SCN4A: variants seen among roughly 807,000 people sequenced by gnomAD.
SCN4A encodes sodium voltage-gated channel alpha subunit 4.
SCN4A carries 83 observed loss-of-function variants against 162.0 expected under a neutral mutation model. The ratio of observed to expected loss-of-function variants is 0.51; its 90% CI spans 0.43 to 0.61. SCN4A has a LOEUF of 0.61. Ranked by LOEUF, SCN4A falls within the 20% of genes least tolerant of loss-of-function variation. SCN4A has a pLI of 0.00. For synonymous variants in SCN4A, 944 were observed against 985.1 expected (o/e 0.96, Z 0.78); for missense variants, 2,196 against 2,462.5 (o/e 0.89, Z 2.29).
chr17:63,949,941 C>T (rs544326142), intron 14 of SCN4A, among the ~76,000 whole-genome samples: 83 of 152,234 alleles, frequency 5.5e-4, no homozygotes, highest in Middle Eastern at 3.4e-3. Flanking sequence ...AGAACATGGG[C>T]GTGTGGTGCC....
rs775486265 is a variant in SCN4A, at chr17:63,941,352, C to A, written c.4930G>T (p.Val1644Leu). ...CTCAGCGGTTCCTGCAGGGTGTCCA[C>A]GAAGTCTGAGAGGCGGCTGTAGGCG... ...FIAYSRLSDF[V>L]DTLQEPLRIA... Residue 1644 changes from valine to leucine, a missense_variant, in exon 24 of 24, where the codon GTG (valine) becomes TTG (leucine). Coordinates refer to ENST00000435607, the MANE Select transcript of SCN4A (RefSeq NM_000334.4). This position sits in a 1 kb window ranked among gnomAD's most constrained non-coding sequence, Gnocchi z 6.2. 7 of 1,613,742 alleles carry A rather than the reference C, an allele frequency of 4.3e-6. No homozygotes were observed. The African/African-American group carries it at 9.4e-5, about 22-fold the overall frequency.
rs199499068 is a variant in SCN4A at position 63,968,039 on chromosome 17, G to A, written c.1020C>T (p.Ala340=). The change falls in exon 6 of 24, where the codon GCC becomes GCT. Residue 340 remains alanine, a synonymous_variant. Transcript: ENST00000435607. ...CATTCTTACCTTCATCACTGATGTA[G>A]GCGTCCCAATCAAAGGTATCGTTGG... ...WATNDTFDWD[A]YISDEGNFYF... The A allele has an allele frequency of 6.2e-7, 1 of 1,613,846 alleles. No homozygotes were observed. Among genetic ancestry groups the A allele is most frequent in the African/African-American group, 1.3e-5 (1 of 75,024 alleles).
rs188376184 is a variant in SCN4A at position 63,958,250 on chromosome 17, G to A, written c.2020-732C>T. Among the ~76,000 whole-genome samples the A allele has an allele frequency of 2.5e-3, 378 of 151,446 alleles. 1 individual carries two copies. The highest frequency in any genetic ancestry group is 5.2e-3 in the South Asian group (25 of 4,782). On this transcript the variant is annotated intron_variant, in intron 12 of 23. Coordinates refer to ENST00000435607, the MANE Select transcript of SCN4A (RefSeq NM_000334.4). ...TAGGCATGGTGGTCCCACCTATGCAGGAGGCTGAGGTGGGAGAATCACCTG... is the reference window on the plus strand; with the variant it reads ...TAGGCATGGTGGTCCCACCTATGCAAGAGGCTGAGGTGGGAGAATCACCTG...
Position 63,944,740 on chromosome 17 carries a change from C to A in SCN4A, c.3845G>T (p.Gly1282Val). 6.2e-7 allele frequency: 1 copy of A among 1,613,568 alleles called. No homozygotes were observed. The highest frequency in any genetic ancestry group is 8.5e-7 in the Non-Finnish European group (1 of 1,179,742). Residue 1282 changes from glycine to valine, a missense_variant, in exon 21 of 24, where the codon GGC becomes GTC. Transcript: ENST00000435607. This position sits in a 1 kb window ranked among gnomAD's most constrained non-coding sequence, Gnocchi z 4.3. ...YLYFVIFIIF[G>V]SFFTLNLFIG... ...GAAGAGGTTGAGGGTGAAGAAGGAG[C>A]CAAAGATGATGAAGATGACAAAGTA...
At chr17:63,948,508 G>A (rs1908800421) in intron 16 of SCN4A, 103 bp downstream of exon 16, 4 of 1,028,248 alleles carry the variant, frequency 3.9e-6, no homozygotes, top group Non-Finnish European at 5.7e-6. Context: ...GTTTGGGACT[G>A]ACCAGAGCAT....
Position 63,941,270 on chromosome 17 carries a change from C to T in SCN4A, c.5012G>A (p.Gly1671Glu), listed in dbSNP as rs1302849752. The change falls in exon 24 of 24, where the codon GGG (glycine) becomes GAG (glutamate). Residue 1671 changes from glycine (G) to glutamate (E), a missense_variant. Coordinates refer to ENST00000435607, the MANE Select transcript of SCN4A (RefSeq NM_000334.4). This position sits in a 1 kb window ranked among gnomAD's most constrained non-coding sequence, Gnocchi z 6.2. ...LITLDLPMVP[G>E]DKIHCLDILF... Reference sequence around the variant, plus strand: ...GATGTCCAGGCAGTGGATCTTGTCCCCTGGCACCATGGGCAAGTCCAGTGT... The same window carrying T: ...GATGTCCAGGCAGTGGATCTTGTCCTCTGGCACCATGGGCAAGTCCAGTGT... 1 of 1,613,864 alleles carries T rather than the reference C, an allele frequency of 6.2e-7. No homozygotes were observed. Among genetic ancestry groups the T allele is most frequent in the Non-Finnish European group, 8.5e-7 (1 of 1,179,878 alleles).
chr17:63,965,024 A>G (rs1188545693), intron 8 of SCN4A, among the ~76,000 whole-genome samples: 4 of 152,162 alleles, frequency 2.6e-5, no homozygotes, highest in Non-Finnish European at 5.9e-5. Flanking sequence ...AACAAATAGT[A>G]GCTATTATTA....
chr17:63,948,170 G>C (rs1908788689), intron 16 of SCN4A, 107 bp from the exon 17 acceptor site: 1 of 867,182 alleles, frequency 1.2e-6, no homozygotes, highest in Non-Finnish European at 1.7e-6. Context: ...CTGCCGTGGG[G>C]GCCCAGCCCA....
intron 6 of SCN4A, among the ~76,000 whole-genome samples, chr17:63,967,670 C>T (rs953711065): frequency 7.9e-5 from 12 of 151,984 alleles, no homozygotes; most frequent in South Asian, 4.2e-4. Flanking sequence ...CGGTGGCTCA[C>T]GCCTGTAATC....
At chr17:63,960,644 G>C (rs1330956749) in intron 11 of SCN4A, among the ~76,000 whole-genome samples, 1 of 152,160 alleles carries the variant, frequency 6.6e-6, no homozygotes, top group Non-Finnish European at 1.5e-5. Flanking sequence ...CTGGATAAGC[G>C]GGCGGATCAG....
chr17:63,967,176 G>A (rs1227362710), intron 6 of SCN4A, among the ~76,000 whole-genome samples: 3 of 151,494 alleles, frequency 2.0e-5, no homozygotes, highest in Admixed American at 6.6e-5. Context: ...TTTTTAGACT[G>A]AGTTTCACTC....
At position 63,944,946 on chromosome 17, in the gene SCN4A, C is replaced by T. The variant is rs1908664751; in HGVS notation, c.3774+61G>A. On this transcript the variant is annotated intron_variant, in intron 20 of 23. Coordinates refer to ENST00000435607, the MANE Select transcript of SCN4A (RefSeq NM_000334.4). This position sits in a 1 kb window ranked among gnomAD's most constrained non-coding sequence, Gnocchi z 4.3. ...ACAGAACGTGCTGCCAAGTCTCCCT[C>T]CTGTCTTGAGTCCTCTTCCCTGGCT... 1.4e-5 allele frequency: 22 copies of T among 1,597,584 alleles called. No individual in the cohort carries two copies. The East Asian group carries it at 4.9e-4, about 36-fold the overall frequency.
intron 9 of SCN4A, 51 bp from the exon 10 acceptor site, chr17:63,963,876 G>T: frequency 1.3e-6 from 2 of 1,514,142 alleles, no homozygotes. Context: ...GAGCCAGAGG[G>T]ATGGACTAAT....
intron 17 of SCN4A, 129 bp downstream of exon 17, chr17:63,947,761 A>G (rs1908771382): frequency 1.2e-6 from 1 of 850,194 alleles, no homozygotes; most frequent in African/African-American, 1.7e-5. Flanking sequence ...GAAGGGCAGC[A>G]CTGATTGAGG....
Position 63,941,207 on chromosome 17 carries a change from C to G in SCN4A, c.5075G>C (p.Gly1692Ala), listed in dbSNP as rs754320381. Residue 1692 changes from glycine to alanine, a missense_variant, in exon 24 of 24, where the codon GGG becomes GCG. Coordinates refer to ENST00000435607, the MANE Select transcript of SCN4A (RefSeq NM_000334.4). This position sits in a 1 kb window ranked among gnomAD's most constrained non-coding sequence, Gnocchi z 6.2. ...ALTKEVLGDS[G>A]EMDALKQTME... is the part of the protein sequence containing the mutation. ...GGTCTGCTTGAGGGCGTCCATTTCC[C>G]CAGAGTCACCCAGGACCTCTTTGGT... The G allele has an allele frequency of 6.2e-7, 1 of 1,613,814 alleles. No individual in the cohort carries two copies. Among genetic ancestry groups the G allele is most frequent in the Admixed American group, 1.7e-5 (1 of 60,012 alleles).
intron 22 of SCN4A, 71 bp from the exon 23 acceptor site, chr17:63,943,167 GA>G: frequency 1.3e-6 from 2 of 1,518,258 alleles, no homozygotes; most frequent in South Asian, 2.5e-5. Context: ...GGACAGGCAG[GA>G]GGCACAGGAT....
intron 10 of SCN4A, among the ~76,000 whole-genome samples, chr17:63,962,609 A>G (rs1909302504): frequency 6.6e-6 from 1 of 152,158 alleles, no homozygotes. Context: ...GACAAAGAAA[A>G]GGGACTGGAG....
intron 15 of SCN4A, 86 bp from the exon 16 acceptor site, chr17:63,948,851 C>T (rs915309228): frequency 7.7e-7 from 1 of 1,298,698 alleles, no homozygotes; most frequent in Non-Finnish European, 1.0e-6. Context: ...CCTCCCATGG[C>T]ATCCCAGGAT....
intron 3 of SCN4A, 48 bp from the exon 4 acceptor site, chr17:63,971,898 G>A: frequency 6.3e-7 from 1 of 1,599,642 alleles, no homozygotes; most frequent in Non-Finnish European, 8.6e-7. Context: ...CTGGGTAGGG[G>A]TCAGTGTGGC....
Sources: allele counts gnomAD v4.1 joint callset (sites outside exome capture counted in the v4.1 genomes callset), GRCh38; gene constraint gnomAD v4.1.1; non-coding constraint Gnocchi (gnomAD v3.1); transcripts MANE v1.5; gene names NCBI Gene and HGNC (gene_info 2026-07-23, HGNC 2026-07-21).